Variants in ZNF536 observed in about 807,000 individuals in gnomAD.
ZNF536 encodes the protein zinc finger protein 536.
A neutral mutation model predicts 84.5 loss-of-function variants in ZNF536; 13 were observed. The observed-to-expected ratio is 0.15, with a 90% CI of 0.10 to 0.24. ZNF536 has a LOEUF of 0.24. Ranked by LOEUF, ZNF536 falls within the 10% of genes least tolerant of loss-of-function variation. The pLI, the probability that ZNF536 is intolerant of heterozygous loss-of-function variation, is 1.00. For missense variants in ZNF536, 1,536 were observed against 1,747.5 expected (o/e 0.88, Z 2.16); for synonymous variants, 811 against 742.5 (o/e 1.09, Z -1.50).
intron 2 of ZNF536, among the ~76,000 whole-genome samples, chr19:30,518,565 T>A (rs1266809353): frequency 6.6e-6 from 1 of 152,212 alleles, no homozygotes; most frequent in Non-Finnish European, 1.5e-5. Flanking sequence ...AATTATAGGA[T>A]AGAAATTAGC....
At chr19:30,650,179 A>G (rs1188235964) in intron 1 of ZNF536, among the ~76,000 whole-genome samples, 2 of 152,246 alleles carry the variant, frequency 1.3e-5, no homozygotes, top group African/African-American at 2.4e-5. Flanking sequence ...GAAGCTATGC[A>G]GTGTTAGCGG....
chr19:30,368,156 C>G (rs531493898), upstream of ZNF536, among the ~76,000 whole-genome samples: 1 of 152,334 alleles, frequency 6.6e-6, no homozygotes, highest in East Asian at 1.9e-4. Context: ...CTCCCCCACT[C>G]TCTGCAAGGA....
intron 1 of ZNF536, among the ~76,000 whole-genome samples, chr19:30,702,990 G>C (rs2052051988): frequency 6.6e-6 from 1 of 152,206 alleles, no homozygotes; most frequent in Non-Finnish European, 1.5e-5. Context: ...TTCAGCTTCT[G>C]CTAGCAGCCA....
intron 1 of ZNF536, among the ~76,000 whole-genome samples, chr19:30,409,077 T>TCCAC (rs1461245035): frequency 6.6e-6 from 1 of 151,996 alleles, no homozygotes; most frequent in Admixed American, 6.5e-5. Flanking sequence ...CATCCATCCA[T>TCCAC]CCACCCACAA....
At chr19:30,524,396 T>C (rs928626448) in intron 2 of ZNF536, among the ~76,000 whole-genome samples, 1 of 152,216 alleles carries the variant, frequency 6.6e-6, no homozygotes, top group African/African-American at 2.4e-5. Context: ...CTCGGCTGGT[T>C]AAAGAGAAAG....
intron 1 of ZNF536, among the ~76,000 whole-genome samples, chr19:30,703,158 G>A (rs898190233): frequency 1.3e-5 from 2 of 152,192 alleles, no homozygotes; most frequent in Admixed American, 6.5e-5. Flanking sequence ...AGTCCAGATC[G>A]AGGAGACGAT....
chr19:30,374,482 A>G (rs1483144865), intron 1 of ZNF536, among the ~76,000 whole-genome samples: 29 of 147,782 alleles, frequency 2.0e-4, no homozygotes, highest in Non-Finnish European at 3.0e-4. Flanking sequence ...AGAGATCCAT[A>G]ACCAATTAAA....
intron 3 of ZNF536, among the ~76,000 whole-genome samples, chr19:30,355,363 G>A (rs1050554383): frequency 2.6e-5 from 4 of 152,056 alleles, no homozygotes; most frequent in Admixed American, 6.5e-5. Context: ...AACCACTCAC[G>A]AGGCAGGGTC....
chr19:30,266,531 T>G (rs975922539), intron 1 of ZNF536, among the ~76,000 whole-genome samples: 1 of 152,190 alleles, frequency 6.6e-6, no homozygotes, highest in Non-Finnish European at 1.5e-5. Context: ...CCTCCTTGAT[T>G]GTTTTGTCTT....
At chr19:30,422,211 G>T (rs2050991833) in intron 1 of ZNF536, among the ~76,000 whole-genome samples, 1 of 152,040 alleles carries the variant, frequency 6.6e-6, no homozygotes, top group Admixed American at 6.6e-5. Context: ...CTACTGGAGA[G>T]TTTAGGATTT....
At chr19:30,242,319 A>G (rs2023994751) in intron 1 of ZNF536, among the ~76,000 whole-genome samples, 1 of 152,170 alleles carries the variant, frequency 6.6e-6, no homozygotes, top group South Asian at 2.1e-4. Flanking sequence ...TGGGGTTCAC[A>G]AGGGAGTCTG....
At chr19:30,267,564 C>A (rs1396461861) in intron 1 of ZNF536, among the ~76,000 whole-genome samples, 2 of 152,028 alleles carry the variant, frequency 1.3e-5, no homozygotes, top group Non-Finnish European at 2.9e-5. Flanking sequence ...GCATCCCCTG[C>A]CTGGCATCAT....
Position 30,360,817 on chromosome 19 carries a change from C to T in ZNF536, c.-3+8333C>T, listed in dbSNP as rs545838155. 1.2e-4 allele frequency among the ~76,000 whole-genome samples: 19 copies of T among 152,332 alleles called. No homozygotes were observed. The South Asian group carries it at 3.5e-3, about 28-fold the overall frequency. ...TAGTGAAAGAAATGTGTTTTATTCT[C>T]GAGTCTAACCCTGCTGTTATCAAAG... is the stretch of plus-strand genomic sequence containing the variant. On this transcript the variant is annotated intron_variant, in intron 3 of 5. Coordinates refer to the ZNF536 transcript ENST00000585628.
intron 2 of ZNF536, among the ~76,000 whole-genome samples, chr19:30,301,833 T>G: frequency 7.4e-6 from 1 of 135,176 alleles, no homozygotes. Context: ...TGTATGATGC[T>G]GAAAAAAAAA....
intron 1 of ZNF536, among the ~76,000 whole-genome samples, chr19:30,692,272 A>G (rs947765023): frequency 6.6e-6 from 1 of 152,252 alleles, no homozygotes; most frequent in Non-Finnish European, 1.5e-5. Flanking sequence ...TCATGTGCTG[A>G]TGAGCAGTTA....
At chr19:30,556,350 G>C (rs1048555274) in intron 4 of ZNF536, 1 of 152,358 alleles carries the variant, frequency 6.6e-6, no homozygotes, top group Non-Finnish European at 1.5e-5. Flanking sequence ...ACAAACACAG[G>C]CGATGTCCCC....
At chr19:30,661,790 T>C (rs1252096309) in intron 1 of ZNF536, among the ~76,000 whole-genome samples, 1 of 152,202 alleles carries the variant, frequency 6.6e-6, no homozygotes, top group African/African-American at 2.4e-5. Flanking sequence ...GGAGAAATAT[T>C]GACCTTACCT....
chr19:30,597,881 T>C (rs1489811148), intron 1 of ZNF536, among the ~76,000 whole-genome samples: 1 of 139,864 alleles, frequency 7.1e-6, no homozygotes, highest in Non-Finnish European at 1.5e-5. Flanking sequence ...ATGTGTATTG[T>C]TGTTGTGTAT....
chr19:30,443,263 T>C (rs1357476957), intron 1 of ZNF536, among the ~76,000 whole-genome samples: 1 of 152,204 alleles, frequency 6.6e-6, no homozygotes, highest in East Asian at 1.9e-4. Flanking sequence ...CCTTGATTTG[T>C]TATTAGGTGT....
Sources: gnomAD v4.1 joint callset for allele counts (sites outside exome capture counted in the v4.1 genomes callset) on GRCh38, gnomAD v4.1.1 for gene constraint, MANE v1.5 for transcripts, NCBI Gene and HGNC (gene_info 2026-07-23, HGNC 2026-07-21) for gene names.